MED15: variants seen among roughly 807,000 people sequenced by gnomAD.
The protein encoded by MED15 is mediator complex subunit 15.
A neutral mutation model predicts 118.7 loss-of-function variants in MED15; 41 were observed. That is an observed-to-expected ratio of 0.35 (90% CI 0.27 to 0.45). MED15 has a LOEUF of 0.45. MED15 is among the 20% of genes least tolerant of loss of function. The pLI is 1.00. For missense variants in MED15, 740 were observed against 1,025.5 expected (o/e 0.72, Z 3.80); for synonymous variants, 436 against 413.9 (o/e 1.05, Z -0.65).
At chr22:20,535,780 T>C (rs1022231020) in intron 1 of MED15, among the ~76,000 whole-genome samples, 1 of 151,338 alleles carries the variant, frequency 6.6e-6, no homozygotes, top group Non-Finnish European at 1.5e-5. Flanking sequence ...AGGATGGTCG[T>C]GCTCGCCTGA....
At chr22:20,576,021 CA>C (rs2056814703) in intron 9 of MED15, among the ~76,000 whole-genome samples, 1 of 152,066 alleles carries the variant, frequency 6.6e-6, no homozygotes, top group South Asian at 2.1e-4. Flanking sequence ...CTTCTGTGTA[CA>C]TTATGCTTTT....
At chr22:20,583,708 C>A in intron 13 of MED15, 1 of 369,822 alleles carries the variant, frequency 2.7e-6, no homozygotes. Context: ...CCCAGATGGG[C>A]CTGAGCCTGA....
rs541457224 is a variant in MED15 at position 20,555,126 on chromosome 22, C to T, written c.429C>T (p.Val143=). 6.9e-6 allele frequency: 11 copies of T among 1,605,476 alleles called. No homozygotes were observed. The highest frequency in any genetic ancestry group is 1.6e-4 in the Middle Eastern group (1 of 6,066). Residue 143 remains valine (V), a synonymous_variant, in exon 5 of 18, where the codon GTC becomes GTT. Coordinates refer to ENST00000263205, the MANE Select transcript of MED15 (RefSeq NM_001003891.3). ...GGATGGCCCCTCACAGCATGGCTGTCGTGTCTACGGCAACTCCACAGAGTG... is the reference window on the plus strand; with the variant it reads ...GGATGGCCCCTCACAGCATGGCTGTTGTGTCTACGGCAACTCCACAGAGTG... ...TSGMAPHSMA[V]VSTATPQTQL...
At chr22:20,526,446 C>A (rs1230760809) in intron 1 of MED15, among the ~76,000 whole-genome samples, 1 of 152,240 alleles carries the variant, frequency 6.6e-6, no homozygotes, top group Admixed American at 6.5e-5. Flanking sequence ...TCTCCTCCCT[C>A]ATTCTTCCAG....
Position 20,549,854 on chromosome 22 carries a change from G to T in MED15, c.157-1582G>T, listed in dbSNP as rs561550765. Among the ~76,000 whole-genome samples, 142 of 152,312 alleles carry T rather than the reference G, an allele frequency of 9.3e-4. 2 individuals carry two copies. The highest frequency in any genetic ancestry group is 4.8e-3 in the Admixed American group (73 of 15,308). On this transcript the variant is annotated intron_variant, in intron 2 of 17. Transcript: ENST00000263205. ...GATGCCTGCCCACTGCATTCCAGGT[G>T]CTGGGCTGGCAGTGGGTCTTGCTCA... is the stretch of plus-strand genomic sequence containing the variant.
intron 4 of MED15, 62 bp downstream of exon 4, chr22:20,553,236 G>T: frequency 6.6e-7 from 1 of 1,509,764 alleles, no homozygotes; most frequent in South Asian, 1.1e-5. Flanking sequence ...TGGCAAGAAT[G>T]ACATAGTGCA....
In MED15 at chr22:20,568,632, GTGAGGGCC is replaced by G. The variant is rs747940632; in HGVS notation, c.1152+4_1152+11del. ...CCAGATGGTGGCTCCCGGAGTCCAG[GTGAGGGCC>G]TGGGGGTGGAGGGCTCCATAGTCAT... On this transcript the variant is annotated splice_donor_variant and splice_donor_5th_base_variant and intron_variant, in intron 8 of 17. Coordinates refer to ENST00000263205, the MANE Select transcript of MED15 (RefSeq NM_001003891.3). LOFTEE classifies it high-confidence loss of function. The G allele has an allele frequency of 1.2e-6, 2 of 1,612,802 alleles. No individual in the cohort carries two copies. The highest frequency in any genetic ancestry group is 1.7e-5 in the Admixed American group (1 of 59,922).
At chr22:20,541,054 C>T (rs1253849806) in intron 2 of MED15, among the ~76,000 whole-genome samples, 1 of 152,030 alleles carries the variant, frequency 6.6e-6, no homozygotes, top group Non-Finnish European at 1.5e-5. Context: ...TGGTGAAACC[C>T]TGTCTCTACT....
intron 5 of MED15, among the ~76,000 whole-genome samples, chr22:20,557,718 G>A (rs1318404578): frequency 1.3e-5 from 2 of 152,222 alleles, no homozygotes; most frequent in Non-Finnish European, 2.9e-5. Flanking sequence ...GGTGAAGCTT[G>A]ATATCCTGCC....
chr22:20,575,768 CAAAAA>C (rs61090860), intron 9 of MED15, among the ~76,000 whole-genome samples: 2 of 146,630 alleles, frequency 1.4e-5, no homozygotes, highest in Non-Finnish European at 3.0e-5. Flanking sequence ...ATTTTAAAAA[CAAAAA>C]AAAAACCTAA....
At chr22:20,583,061 G>C in intron 11 of MED15, 52 bp from the exon 12 acceptor site, 3 of 1,559,648 alleles carry the variant, frequency 1.9e-6, no homozygotes, top group African/African-American at 1.4e-5. Context: ...CAGAGCTCAA[G>C]TTCCCCACCC....
rs574446810 is a variant in MED15, at chr22:20,520,747, CT to C, written c.68+13008del. 3.9e-5 allele frequency among the ~76,000 whole-genome samples: 6 copies of C among 152,154 alleles called. No individual in the cohort carries two copies. In the East Asian group the frequency reaches 7.7e-4, roughly 20 times the overall value. ...TCTGTGCAATCACACTCTGTGCCAT[CT>C]TTTTTTCGAGACAGGGTCTCGCCCT... is the stretch of plus-strand genomic sequence containing the variant. On this transcript the variant is annotated intron_variant, in intron 1 of 17. Transcript: ENST00000263205.
At chr22:20,586,001 G>T (rs1263096507) in intron 17 of MED15, among the ~76,000 whole-genome samples, 175 bp downstream of exon 17, 1 of 152,198 alleles carries the variant, frequency 6.6e-6, no homozygotes, top group Admixed American at 6.5e-5. Context: ...GTTTTCCAGT[G>T]GTCGCCTGAG....
intron 1 of MED15, among the ~76,000 whole-genome samples, chr22:20,530,794 C>A (rs2054830370): frequency 6.6e-6 from 1 of 152,124 alleles, no homozygotes; most frequent in Non-Finnish European, 1.5e-5. Context: ...GGGTACACTG[C>A]AGGTGACTCA....
At position 20,553,432 on chromosome 22, in the gene MED15, C is replaced by G. The variant is rs115355073; in HGVS notation, c.238+258C>G. Among the ~76,000 whole-genome samples, 938 of 152,366 alleles carry G rather than the reference C, an allele frequency of 6.2e-3. 10 individuals carry two copies. Among genetic ancestry groups the G allele is most frequent in the African/African-American group, 0.021 (892 of 41,582 alleles). ...TGCCTTTGCCCAGCAAAAAGATAAACACTCACAAAGCTATTAAGACATTAT... is the reference window on the plus strand; with the variant it reads ...TGCCTTTGCCCAGCAAAAAGATAAAGACTCACAAAGCTATTAAGACATTAT... On this transcript the variant is annotated intron_variant, in intron 4 of 17. Coordinates refer to ENST00000263205, the MANE Select transcript of MED15 (RefSeq NM_001003891.3).
At chr22:20,556,621 C>G (rs1389187613) in intron 5 of MED15, among the ~76,000 whole-genome samples, 1 of 152,140 alleles carries the variant, frequency 6.6e-6, no homozygotes, top group Non-Finnish European at 1.5e-5. Flanking sequence ...TTTTTTTACA[C>G]TCATTCTTGG....
In MED15 at chr22:20,582,766, G is replaced by A; in HGVS notation, c.1409+19G>A. 1.3e-6 allele frequency: 2 copies of A among 1,589,384 alleles called. No homozygotes were observed. Among genetic ancestry groups the A allele is most frequent in the African/African-American group, 1.3e-5 (1 of 74,694 alleles). On this transcript the variant is annotated intron_variant, in intron 10 of 17. Transcript: ENST00000263205. ...ACGTCAGGTAGGCCTGGCCTGGGGT[G>A]CCCCTCCCCACCTGGCCCTCGAGGC...
intron 13 of MED15, chr22:20,584,090 A>G (rs165690): frequency 0.21 from 106,929 of 518,622 alleles, 11,600 homozygotes; most frequent in South Asian, 0.25. Context: ...GGACTGGCCT[A>G]CATGACAATG....
At chr22:20,537,348 G>T in intron 2 of MED15, 144 bp downstream of exon 2, 1 of 633,382 alleles carries the variant, frequency 1.6e-6, no homozygotes, top group Non-Finnish European at 2.7e-6. Flanking sequence ...AGTTGGTTTT[G>T]CCTGCAGCAG....
Sources: gnomAD v4.1 joint callset for allele counts (sites outside exome capture counted in the v4.1 genomes callset) on GRCh38, gnomAD v4.1.1 for gene constraint, MANE v1.5 for transcripts, NCBI Gene and HGNC (gene_info 2026-07-23, HGNC 2026-07-21) for gene names.